ALG9: variants seen among roughly 807,000 people sequenced by gnomAD.
ALG9 encodes the protein ALG9 alpha-1,2-mannosyltransferase.
A neutral mutation model predicts 81.8 loss-of-function variants in ALG9; 55 were observed. The ratio of observed to expected loss-of-function variants is 0.67; its 90% CI spans 0.54 to 0.84. The LOEUF (loss-of-function observed/expected upper bound fraction) is 0.84. Ranked by LOEUF, ALG9 falls within the 40% of genes least tolerant of loss-of-function variation. The pLI is 0.00. For missense variants in ALG9, 629 were observed against 745.0 expected, an observed-to-expected ratio of 0.84 and a Z score of 1.81; for synonymous variants, 278 against 274.3, an observed-to-expected ratio of 1.01 and a Z score of -0.13.
rs917940399 is a variant in ALG9, at chr11:111,786,659, C to T, written c.1734-139G>A. On this transcript the variant is annotated intron_variant, in intron 14 of 14. Coordinates refer to ENST00000616540, the MANE Select transcript of ALG9 (RefSeq NM_024740.2). ...AGTGGCACAGAAAAGCCTATTATTT[C>T]GGTACTAGATCACGATAAAAGACTT... 9 of 1,035,394 alleles carry T rather than the reference C, an allele frequency of 8.7e-6. No individual in the cohort carries two copies. In the African/African-American group the frequency reaches 9.7e-5, roughly 11 times the overall value. The allele number at this position is 1,035,394 out of a possible 1,614,324, so 64.1% of individuals were successfully genotyped here.
downstream of ALG9, among the ~76,000 whole-genome samples, chr11:111,780,425 C>A (rs1945869539): frequency 6.9e-6 from 1 of 144,582 alleles, no homozygotes; most frequent in African/African-American, 2.5e-5. Context: ...GAGACAGAGT[C>A]TTGCTCCGTC....
intron 4 of ALG9, among the ~76,000 whole-genome samples, chr11:111,861,853 T>C (rs528865771): frequency 1.9e-4 from 29 of 152,240 alleles, no homozygotes; most frequent in South Asian, 1.5e-3. Flanking sequence ...TAACCTAATA[T>C]ACAATTTTAG....
chr11:111,851,448 G>A (rs1178526277), intron 8 of ALG9, among the ~76,000 whole-genome samples: 1 of 143,454 alleles, frequency 7.0e-6, no homozygotes, highest in Non-Finnish European at 1.5e-5. Context: ...ACTGCATCCA[G>A]TCTGGGTGAC....
intron 6 of ALG9, among the ~76,000 whole-genome samples, chr11:111,854,801 T>C (rs1255227042): frequency 4.6e-5 from 7 of 152,250 alleles, no homozygotes; most frequent in African/African-American, 1.7e-4. Context: ...TCTTTCCTAC[T>C]AAAATGTTAA....
chr11:111,778,946 C>A (rs992665063), downstream of ALG9, among the ~76,000 whole-genome samples: 2 of 151,964 alleles, frequency 1.3e-5, no homozygotes, highest in Non-Finnish European at 2.9e-5. Flanking sequence ...TACTGAGTAG[C>A]TGGGATTACA....
At chr11:111,867,961 T>C (rs1418758342) in intron 3 of ALG9, among the ~76,000 whole-genome samples, 1 of 151,850 alleles carries the variant, frequency 6.6e-6, no homozygotes, top group East Asian at 1.9e-4. Flanking sequence ...TGAGAGAAAA[T>C]AAATTGAAAA....
At chr11:111,829,227 ATT>A (rs1390084311) in intron 13 of ALG9, 1 of 152,238 alleles carries the variant, frequency 6.6e-6, no homozygotes, top group Non-Finnish European at 1.5e-5. Context: ...AGATTTAATC[ATT>A]CTTTCTTGCA....
chr11:111,802,740 A>T (rs1313032169), intron 14 of ALG9, among the ~76,000 whole-genome samples: 1 of 152,228 alleles, frequency 6.6e-6, no homozygotes, highest in Non-Finnish European at 1.5e-5. Flanking sequence ...ACTATACAAA[A>T]GTGAAGAAGA....
At chr11:111,859,329 C>T (rs1959201355) in intron 5 of ALG9, among the ~76,000 whole-genome samples, 1 of 151,932 alleles carries the variant, frequency 6.6e-6, no homozygotes, top group Admixed American at 6.6e-5. Flanking sequence ...TGGTGAAACC[C>T]CATCTCTATT....
Position 111,871,578 on chromosome 11 carries a change from A to C in ALG9, c.-96T>G, listed in dbSNP as rs1566335107. 3.1e-5 allele frequency: 48 copies of C among 1,531,208 alleles called. No homozygotes were observed. Among genetic ancestry groups the C allele is most frequent in the South Asian group, 1.4e-4 (12 of 83,190 alleles). The allele number at this position is 1,531,208 out of a possible 1,614,324, so 94.9% of individuals were successfully genotyped here. A position where few individuals can be genotyped will look rare whatever the true frequency, so the allele number is the denominator to read the frequency against. On this transcript the variant is annotated 5_prime_UTR_variant, in exon 1 of 15. Coordinates refer to ENST00000616540, the MANE Select transcript of ALG9 (RefSeq NM_024740.2). ...CAAACGGTGTCCGCCGAGGGACAAA[A>C]GACCTTGACATGCGCAGAAAATACT... is the stretch of plus-strand genomic sequence containing the variant.
intron 14 of ALG9, among the ~76,000 whole-genome samples, chr11:111,809,265 A>T (rs1950349759): frequency 6.6e-6 from 1 of 152,060 alleles, no homozygotes; most frequent in South Asian, 2.1e-4. Context: ...ATGGTGACTC[A>T]TGCCTGTAAT....
In ALG9 at chr11:111,870,276, T is replaced by C. The variant is rs782199783; in HGVS notation, c.226A>G (p.Ser76Gly). Reference protein sequence around the residue: ...LSARLCAALLSNISDCDETFN... With the variant: ...LSARLCAALLGNISDCDETFN... ...GTTTCATCACAGTCAGAGATGTTGC[T>C]CAGGAGAGCAGCACATAACCTTGCT... Residue 76 changes from serine (S) to glycine (G), a missense_variant, in exon 2 of 15, where the codon AGC becomes GGC. Physicochemically the swap from Ser to Gly is moderately conservative, Grantham distance 56. This residue lies in a region of ALG9 where 344 missense variants were observed against 390.5 expected (regional missense o/e 0.88). Transcript: ENST00000616540. 6.2e-7 allele frequency: 1 copy of C among 1,610,052 alleles called. No homozygotes were observed. The highest frequency in any genetic ancestry group is 1.1e-5 in the South Asian group (1 of 90,698).
At chr11:111,855,167 T>C (rs1958459443) in intron 6 of ALG9, among the ~76,000 whole-genome samples, 1 of 152,238 alleles carries the variant, frequency 6.6e-6, no homozygotes, top group South Asian at 2.1e-4. Flanking sequence ...GTATATATTT[T>C]AGGGTCTGCA....
At chr11:111,856,583 G>A (rs918809804) in intron 6 of ALG9, among the ~76,000 whole-genome samples, 5 of 148,774 alleles carry the variant, frequency 3.4e-5, no homozygotes, top group Non-Finnish European at 5.9e-5. Context: ...TAGCGGAGAA[G>A]AAAATTAGGA....
At chr11:111,870,485 T>G in intron 1 of ALG9, 115 bp from the exon 2 acceptor site, 1 of 1,304,038 alleles carries the variant, frequency 7.7e-7, no homozygotes. Context: ...TCAAAGCACT[T>G]AAGTTATTCA....
At chr11:111,859,082 T>C (rs572651313) in intron 5 of ALG9, among the ~76,000 whole-genome samples, 7 of 152,212 alleles carry the variant, frequency 4.6e-5, no homozygotes, top group African/African-American at 1.7e-4. Flanking sequence ...GATGCATGCC[T>C]ATAGTCCTAG....
At chr11:111,771,842 T>C in the ALG9 span, among the ~76,000 whole-genome samples, 2 of 152,232 alleles carry the variant, frequency 1.3e-5, no homozygotes, top group Non-Finnish European at 2.9e-5. Flanking sequence ...TCAAATATTT[T>C]CCCTTCAATT....
At chr11:111,854,154 G>C (rs570663586) in intron 6 of ALG9, among the ~76,000 whole-genome samples, 2 of 144,472 alleles carry the variant, frequency 1.4e-5, no homozygotes, top group Non-Finnish European at 3.0e-5. Context: ...CTGGAGTGCA[G>C]TGGCGCAATC....
Position 111,783,991 on chromosome 11 carries a change from G to C in ALG9, c.*2406C>G, listed in dbSNP as rs1946211097. 6.6e-6 allele frequency: 1 copy of C among 150,942 alleles called. No homozygotes were observed. The allele number at this position is 150,942 out of a possible 1,614,324, so 9.4% of individuals were successfully genotyped here. ...ATTATACTACTTTGATTAGAAAAAA[G>C]CCATTCATCACAGATGGACCTCCAT... On this transcript the variant is annotated 3_prime_UTR_variant, in exon 15 of 15. Transcript: ENST00000616540.
Sources: allele counts gnomAD v4.1 joint callset (sites outside exome capture counted in the v4.1 genomes callset), GRCh38; gene constraint gnomAD v4.1.1; regional missense constraint gnomAD v4.1.1; transcripts MANE v1.5; gene names NCBI Gene and HGNC (gene_info 2026-07-23, HGNC 2026-07-21).